Variants in SCNN1B observed in about 807,000 individuals in gnomAD.
The protein encoded by SCNN1B is epithelial sodium channel subunit beta.
A neutral mutation model predicts 65.3 loss-of-function variants in SCNN1B; 46 were observed. The observed-to-expected ratio is 0.70, with a 90% CI of 0.56 to 0.90. The LOEUF (loss-of-function observed/expected upper bound fraction) is 0.90, where lower values mean the gene tolerates loss of function less well. SCNN1B is among the 40% of genes least tolerant of loss of function. SCNN1B has a pLI of 0.00. For missense variants in SCNN1B, 751 were observed against 830.5 expected, an observed-to-expected ratio of 0.90 and a Z score of 1.18; for synonymous variants, 349 against 330.6, an observed-to-expected ratio of 1.06 and a Z score of -0.60.
chr16:23,307,153 T>G (rs1961236394), intron 1 of SCNN1B, among the ~76,000 whole-genome samples: 1 of 152,076 alleles, frequency 6.6e-6, no homozygotes, highest in Non-Finnish European at 1.5e-5. Flanking sequence ...CACTGTAAAG[T>G]GGAACTAGTA....
At chr16:23,376,730 CA>C (rs1962904129) in intron 8 of SCNN1B, among the ~76,000 whole-genome samples, 1 of 101,044 alleles carries the variant, frequency 9.9e-6, no homozygotes, top group South Asian at 2.9e-4. Flanking sequence ...GCCAACATGG[CA>C]AAACCCCGTC....
intron 1 of SCNN1B, among the ~76,000 whole-genome samples, chr16:23,317,410 C>T (rs1365155467): frequency 2.6e-5 from 4 of 152,186 alleles, no homozygotes; most frequent in African/African-American, 4.8e-5. Context: ...AGCGTGAGAA[C>T]GGGCACTGGA....
At chr16:23,351,779 C>T (rs930365097) in intron 2 of SCNN1B, among the ~76,000 whole-genome samples, 5 of 152,206 alleles carry the variant, frequency 3.3e-5, no homozygotes, top group Non-Finnish European at 7.3e-5. Context: ...AACATGGGAG[C>T]GCCACAGGGC....
At position 23,302,349 on chromosome 16, in the gene SCNN1B, GGCC is replaced by G; in HGVS notation, c.-87_-85del. On this transcript the variant is annotated 5_prime_UTR_variant, in exon 1 of 13. Transcript: ENST00000343070. Reference sequence around the variant, plus strand: ...GGGTGTCCCAGTGTCACCAACACTCGGCCGCCGCCGCCAGCTTGGCGCGCACCG... The same window carrying G: ...GGGTGTCCCAGTGTCACCAACACTCGGCCGCCGCCAGCTTGGCGCGCACCG... 1 of 158,710 alleles carries G rather than the reference GGCC, an allele frequency of 6.3e-6. No individual in the cohort carries two copies. The highest frequency in any genetic ancestry group is 1.4e-5 in the Non-Finnish European group (1 of 72,566). The allele number at this position is 158,710 out of a possible 1,614,324, so 9.8% of individuals were successfully genotyped here. A position where few individuals can be genotyped will look rare whatever the true frequency, so the allele number is the denominator to read the frequency against.
At chr16:23,309,406 A>C (rs372553908) in intron 1 of SCNN1B, among the ~76,000 whole-genome samples, 2 of 136,198 alleles carry the variant, frequency 1.5e-5, no homozygotes, top group African/African-American at 6.3e-5. Flanking sequence ...AGATAGATAA[A>C]TGATGATAGA....
intron 1 of SCNN1B, among the ~76,000 whole-genome samples, chr16:23,342,220 A>G (rs1962068644): frequency 6.6e-6 from 1 of 152,240 alleles, no homozygotes; most frequent in Non-Finnish European, 1.5e-5. Flanking sequence ...GAAAGAAGCC[A>G]GTCAGAAAAG....
chr16:23,339,835 G>A (rs550054075), intron 1 of SCNN1B, among the ~76,000 whole-genome samples: 1 of 152,078 alleles, frequency 6.6e-6, no homozygotes, highest in East Asian at 1.9e-4. Context: ...CCAAAGTATT[G>A]GGATTACAGG....
chr16:23,345,290 C>T (rs1962162807), intron 1 of SCNN1B, among the ~76,000 whole-genome samples: 1 of 152,126 alleles, frequency 6.6e-6, no homozygotes, highest in South Asian at 2.1e-4. Flanking sequence ...AAGCCACAGG[C>T]ACAAGAAACT....
chr16:23,306,773 G>A (rs1466850340), intron 1 of SCNN1B, among the ~76,000 whole-genome samples: 1 of 152,224 alleles, frequency 6.6e-6, no homozygotes, highest in Non-Finnish European at 1.5e-5. Context: ...ACCAAAGGAA[G>A]TATGTTTAAG....
intron 10 of SCNN1B, among the ~76,000 whole-genome samples, chr16:23,377,883 A>T (rs1334974168): frequency 6.6e-6 from 1 of 152,086 alleles, no homozygotes; most frequent in African/African-American, 2.4e-5. Flanking sequence ...TAATCCTTTT[A>T]ATAGGAGAGG....
chr16:23,323,278 T>C (rs1405543972), intron 1 of SCNN1B, among the ~76,000 whole-genome samples: 1 of 151,888 alleles, frequency 6.6e-6, no homozygotes, highest in Non-Finnish European at 1.5e-5. Context: ...GAGGTGGCAC[T>C]GGAGCTGCAC....
At chr16:23,375,163 C>G (rs1962867578) in intron 7 of SCNN1B, among the ~76,000 whole-genome samples, 1 of 152,110 alleles carries the variant, frequency 6.6e-6, no homozygotes, top group Non-Finnish European at 1.5e-5. Flanking sequence ...TGCCTGGGAG[C>G]CCTCCTCTTC....
chr16:23,343,475 A>G lies in SCNN1B; in HGVS notation c.-8-5117A>G, dbSNP rs139743214. The stretch of plus-strand genomic sequence containing the variant: ...CAAAAATAAAAAAAGGAAAAGAAAG[A>G]AAGGAAGGAAGGAAGGAAGGAAGGA... On this transcript the variant is annotated intron_variant, in intron 1 of 12. Coordinates refer to ENST00000343070, the MANE Select transcript of SCNN1B (RefSeq NM_000336.3). Among the ~76,000 whole-genome samples the G allele has an allele frequency of 1.5e-3, 175 of 113,068 alleles. 7 individuals are homozygous for G. Among genetic ancestry groups the G allele is most frequent in the African/African-American group, 8.7e-3 (158 of 18,142 alleles). 74.2% of individuals were successfully genotyped at this position (113,068 alleles called of 152,430 possible). A position where few individuals can be genotyped will look rare whatever the true frequency, so the allele number is the denominator to read the frequency against.
intron 1 of SCNN1B, among the ~76,000 whole-genome samples, chr16:23,338,206 G>A (rs544464597): frequency 2.0e-5 from 3 of 152,208 alleles, no homozygotes; most frequent in Non-Finnish European, 4.4e-5. Flanking sequence ...TCTTGGTGCT[G>A]GGAATGCACA....
chr16:23,356,185 G>A (rs966476438), intron 4 of SCNN1B, among the ~76,000 whole-genome samples: 1 of 152,170 alleles, frequency 6.6e-6, no homozygotes, highest in Non-Finnish European at 1.5e-5. Context: ...CTGGGGGTGG[G>A]TGCACCAGCC....
At chr16:23,291,110 G>A (rs190856284) in intron 2 of SCNN1B, among the ~76,000 whole-genome samples, 1 of 149,162 alleles carries the variant, frequency 6.7e-6, no homozygotes, top group Non-Finnish European at 1.5e-5. Context: ...CGCCCAGGCT[G>A]GAGTGCAATG....
chr16:23,339,348 A>T (rs12447134), intron 1 of SCNN1B, among the ~76,000 whole-genome samples: 2 of 151,840 alleles, frequency 1.3e-5, no homozygotes, highest in Non-Finnish European at 2.9e-5. Flanking sequence ...TGTGTGTGAA[A>T]GTATGTTTTT....
intron 1 of SCNN1B, among the ~76,000 whole-genome samples, chr16:23,320,466 T>C (rs1961564500): frequency 6.6e-6 from 1 of 151,940 alleles, no homozygotes; most frequent in Non-Finnish European, 1.5e-5. Context: ...GAGGCCAGAC[T>C]CCTTGACACC....
chr16:23,278,601 G>A (rs2141965293), intron 1 of SCNN1B, among the ~76,000 whole-genome samples: 1 of 152,062 alleles, frequency 6.6e-6, no homozygotes, highest in Middle Eastern at 3.4e-3. Context: ...TGAGTATGGG[G>A]TTTTCTTATA....
Sources: gnomAD v4.1 joint callset for allele counts (sites outside exome capture counted in the v4.1 genomes callset) on GRCh38, gnomAD v4.1.1 for gene constraint, MANE v1.5 for transcripts, NCBI Gene and HGNC (gene_info 2026-07-23, HGNC 2026-07-21) for gene names.